WDR19: variants seen among roughly 807,000 people sequenced by gnomAD.
The protein encoded by WDR19 is WD repeat-containing protein 19.
In WDR19, 121 loss-of-function variants were observed where a neutral mutation model predicts 180.0. The observed-to-expected ratio is 0.67, with a 90% CI of 0.58 to 0.78. WDR19 has a LOEUF of 0.78. Ranked by LOEUF, WDR19 falls within the 30% of genes least tolerant of loss-of-function variation. The pLI is 0.00. For synonymous variants in WDR19, 497 were observed against 540.7 expected (o/e 0.92, Z 1.12); for missense variants, 1,450 against 1,640.7 (o/e 0.88, Z 2.01).
chr4:39,188,311 A>G (rs1449659989), intron 3 of WDR19, among the ~76,000 whole-genome samples: 2 of 152,152 alleles, frequency 1.3e-5, no homozygotes, highest in South Asian at 2.1e-4. Flanking sequence ...GTTTTTTATA[A>G]TATACATTTT....
chr4:39,275,104 C>A, intron 33 of WDR19, 146 bp downstream of exon 33: 1 of 984,312 alleles, frequency 1.0e-6, no homozygotes, highest in Non-Finnish European at 1.5e-6. Context: ...CTTTGGAAGG[C>A]TGAGGTGGAC....
chr4:39,279,992 C>A (rs1016185182), intron 36 of WDR19, among the ~76,000 whole-genome samples: 1 of 152,052 alleles, frequency 6.6e-6, no homozygotes, highest in East Asian at 1.9e-4. Flanking sequence ...CATGAGCCGC[C>A]ACACCCAGCC....
chr4:39,244,165 T>C (rs1337218454), intron 21 of WDR19, 83 bp from the exon 22 acceptor site: 4 of 1,458,978 alleles, frequency 2.7e-6, no homozygotes, highest in Non-Finnish European at 3.7e-6. Context: ...TGGACTCATT[T>C]TAGAGTTAAA....
At chr4:39,228,767 A>G in intron 17 of WDR19, 77 bp downstream of exon 17, 1 of 1,393,514 alleles carries the variant, frequency 7.2e-7, no homozygotes, top group Non-Finnish European at 9.6e-7. Flanking sequence ...TAATTATTCT[A>G]TCTTATTTTA....
chr4:39,184,490 G>A lies in WDR19; in HGVS notation c.7-1236G>A, dbSNP rs1048445364. Reference sequence around the variant, plus strand: ...GTTGTTAATTTATTTATTTTGAGACGAAGTCTTGCTCTGTCACCCAGGCTG... The same window carrying A: ...GTTGTTAATTTATTTATTTTGAGACAAAGTCTTGCTCTGTCACCCAGGCTG... On this transcript the variant is annotated intron_variant, in intron 1 of 36. Coordinates refer to ENST00000399820, the MANE Select transcript of WDR19 (RefSeq NM_025132.4). Among the ~76,000 whole-genome samples, 3 of 151,970 alleles carry A rather than the reference G, an allele frequency of 2.0e-5. No individual in the cohort carries two copies. In the East Asian group the frequency reaches 5.8e-4, roughly 29 times the overall value.
chr4:39,213,176 C>T (rs1034718502), intron 9 of WDR19, among the ~76,000 whole-genome samples: 3 of 152,190 alleles, frequency 2.0e-5, no homozygotes, highest in Non-Finnish European at 2.9e-5. Flanking sequence ...AACAGTTTGG[C>T]AGTTTCTTAA....
intron 31 of WDR19, among the ~76,000 whole-genome samples, chr4:39,270,359 CTTA>C (rs1251518116): frequency 6.6e-6 from 1 of 152,076 alleles, no homozygotes; most frequent in African/African-American, 2.4e-5. Flanking sequence ...TCATGTGCAT[CTTA>C]TTATAGTGTG....
chr4:39,282,485 C>T (rs1272153921), intron 36 of WDR19, among the ~76,000 whole-genome samples: 1 of 152,174 alleles, frequency 6.6e-6, no homozygotes, highest in African/African-American at 2.4e-5. Flanking sequence ...GCAACCTCTG[C>T]CTCCCGGGTT....
At chr4:39,273,401 T>C (rs1451173575) in intron 32 of WDR19, 1 of 281,934 alleles carries the variant, frequency 3.5e-6, no homozygotes, top group African/African-American at 2.3e-5. Flanking sequence ...GCAAGTTCCG[T>C]AACTCCTCCA....
intron 20 of WDR19, among the ~76,000 whole-genome samples, chr4:39,237,045 T>C (rs1731453345): frequency 6.6e-6 from 1 of 152,240 alleles, no homozygotes; most frequent in South Asian, 2.1e-4. Flanking sequence ...GTATGTGTAA[T>C]GACAACCAAT....
intron 24 of WDR19, among the ~76,000 whole-genome samples, chr4:39,245,752 G>T (rs1162307464): frequency 2.0e-5 from 3 of 152,132 alleles, no homozygotes; most frequent in African/African-American, 4.8e-5. Context: ...TATTAAGAAG[G>T]ATTATTATTT....
intron 24 of WDR19, among the ~76,000 whole-genome samples, chr4:39,248,207 T>G (rs1270594647): frequency 1.3e-5 from 2 of 152,290 alleles, no homozygotes; most frequent in Admixed American, 6.5e-5. Context: ...TCAACATTCT[T>G]AAAGAAAAGA....
chr4:39,210,428 A>G (rs914218460), intron 9 of WDR19, among the ~76,000 whole-genome samples: 1 of 152,256 alleles, frequency 6.6e-6, no homozygotes, highest in African/African-American at 2.4e-5. Flanking sequence ...GGCTGCTGTA[A>G]TCCCAGCGCT....
chr4:39,285,488 T>TA lies in WDR19; in HGVS notation c.*16dup, dbSNP rs1737105946. The TA allele has an allele frequency of 6.6e-6, 1 of 152,238 alleles. No homozygotes were observed. Among genetic ancestry groups the TA allele is most frequent in the South Asian group, 2.1e-4 (1 of 4,830 alleles). The allele number at this position is 152,238 out of a possible 1,614,324, so 9.4% of individuals were successfully genotyped here. On this transcript the variant is annotated splice_region_variant and 3_prime_UTR_variant, in exon 37 of 37. Coordinates refer to ENST00000399820, the MANE Select transcript of WDR19 (RefSeq NM_025132.4). Reference sequence around the variant, plus strand: ...ATGTGTTCTGTTTGTCCTTTCTAGATACAATGCTCCTGAGAAGACAGCATT... The same window carrying TA: ...ATGTGTTCTGTTTGTCCTTTCTAGATAACAATGCTCCTGAGAAGACAGCATT...
chr4:39,251,637 T>G (rs891865708), intron 24 of WDR19, among the ~76,000 whole-genome samples: 8 of 152,074 alleles, frequency 5.3e-5, no homozygotes, highest in African/African-American at 1.7e-4. Context: ...ATATCCAGAA[T>G]CTACAAAGAA....
rs34163030 is a variant in WDR19, at chr4:39,258,160, C to CTT, written c.3183+615_3183+616dup. On this transcript the variant is annotated intron_variant, in intron 28 of 36. Coordinates refer to ENST00000399820, the MANE Select transcript of WDR19 (RefSeq NM_025132.4). ...TTATTGCACATAGCAGTAAGTCATT[C>CTT]TTTTTTTTTTGAGACAGAGTTTCGC... Among the ~76,000 whole-genome samples, 63 of 150,126 alleles carry CTT rather than the reference C, an allele frequency of 4.2e-4. 1 individual carries two copies. Among genetic ancestry groups the CTT allele is most frequent in the Middle Eastern group, 3.4e-3 (1 of 292 alleles).
intron 3 of WDR19, among the ~76,000 whole-genome samples, chr4:39,189,375 T>A (rs553033192): frequency 1.3e-5 from 2 of 152,202 alleles, no homozygotes; most frequent in Non-Finnish European, 2.9e-5. Context: ...GGGTTCTTTA[T>A]AGGACTGAAG....
At chr4:39,224,733 C>T in intron 14 of WDR19, 151 bp from the exon 15 acceptor site, 1 of 709,636 alleles carries the variant, frequency 1.4e-6, no homozygotes, top group Non-Finnish European at 2.2e-6. Flanking sequence ...CTGTACCTTT[C>T]ACATATACTA....
At chr4:39,237,697 C>T (rs1422575187) in intron 20 of WDR19, 3 of 152,112 alleles carry the variant, frequency 2.0e-5, no homozygotes, top group African/African-American at 7.2e-5. Context: ...CATTTCTGTT[C>T]CTTATAAATG....
Sources: gnomAD v4.1 joint callset for allele counts (sites outside exome capture counted in the v4.1 genomes callset) on GRCh38, gnomAD v4.1.1 for gene constraint, MANE v1.5 for transcripts, NCBI Gene and HGNC (gene_info 2026-07-23, HGNC 2026-07-21) for gene names.